NCOA2: variants seen among roughly 807,000 people sequenced by gnomAD.
The protein encoded by NCOA2 is class E basic helix-loop-helix protein 75.
NCOA2 carries 21 observed loss-of-function variants against 145.1 expected under a neutral mutation model. That is an observed-to-expected ratio of 0.14 (90% confidence interval 0.10 to 0.21). The LOEUF (loss-of-function observed/expected upper bound fraction) is 0.21. NCOA2 is among the 10% of genes least tolerant of loss of function. The pLI, the probability that NCOA2 is intolerant of heterozygous loss-of-function variation, is 1.00. For synonymous variants in NCOA2, 619 were observed against 637.5 expected, an observed-to-expected ratio of 0.97 and a Z score of 0.44; for missense variants, 1,472 against 1,837.6, an observed-to-expected ratio of 0.80 and a Z score of 3.64.
chr8:70,182,157 T>G (rs1815556111), intron 4 of NCOA2, among the ~76,000 whole-genome samples: 1 of 152,244 alleles, frequency 6.6e-6, no homozygotes, highest in African/African-American at 2.4e-5. Context: ...CTATATATCA[T>G]CAAGCTGCTG....
intron 2 of NCOA2, among the ~76,000 whole-genome samples, chr8:70,287,764 A>G (rs932735726): frequency 6.6e-6 from 1 of 152,238 alleles, no homozygotes. Flanking sequence ...CATGGACTTC[A>G]GTCTAGCTAG....
At chr8:70,451,233 A>T in the NCOA2 span, among the ~76,000 whole-genome samples, 460 of 85,480 alleles carry the variant, frequency 5.4e-3, 8 homozygotes, top group African/African-American at 0.017. Flanking sequence ...AAAAAAAAAA[A>T]AAAAATATAT....
chr8:70,284,576 C>T (rs13277206), intron 2 of NCOA2, among the ~76,000 whole-genome samples: 16,011 of 152,236 alleles, frequency 0.11, 1,287 homozygotes, highest in East Asian at 0.41. Context: ...TCTCCCATCC[C>T]CCTTTGTTAC....
intron 1 of NCOA2, among the ~76,000 whole-genome samples, chr8:70,357,760 G>A (rs572195230): frequency 6.7e-6 from 1 of 150,216 alleles, no homozygotes; most frequent in Non-Finnish European, 1.5e-5. Context: ...AAGCGCGGTG[G>A]GGGGAAGATG....
At chr8:70,209,356 T>C (rs1229575795) in intron 4 of NCOA2, among the ~76,000 whole-genome samples, 1 of 152,216 alleles carries the variant, frequency 6.6e-6, no homozygotes, top group Non-Finnish European at 1.5e-5. Flanking sequence ...GTGAACACTG[T>C]TGAAATGACA....
At chr8:70,172,294 G>T (rs1365741551) in intron 5 of NCOA2, among the ~76,000 whole-genome samples, 1 of 152,192 alleles carries the variant, frequency 6.6e-6, no homozygotes, top group Non-Finnish European at 1.5e-5. Flanking sequence ...AATGTCACAT[G>T]TATACACATA....
At chr8:70,124,928 TG>T (rs921392993) in intron 19 of NCOA2, 63 bp from the exon 20 acceptor site, 88 of 1,429,466 alleles carry the variant, frequency 6.2e-5, no homozygotes, top group African/African-American at 2.6e-4. Flanking sequence ...TAGAGACTGG[TG>T]GGGGGGAAAG....
chr8:70,118,288 G>A (rs531905565), intron 22 of NCOA2, among the ~76,000 whole-genome samples: 1 of 152,296 alleles, frequency 6.6e-6, no homozygotes, highest in South Asian at 2.1e-4. Context: ...CCCTCTGTGG[G>A]AGCCCAATTA....
chr8:70,393,993 A>C (rs911115965), intron 1 of NCOA2, among the ~76,000 whole-genome samples: 6 of 152,210 alleles, frequency 3.9e-5, no homozygotes, highest in African/African-American at 1.2e-4. Flanking sequence ...AGAATATTCC[A>C]TTCTATTAGG....
chr8:70,164,116 G>C (rs1302816517), intron 7 of NCOA2, among the ~76,000 whole-genome samples: 2 of 152,174 alleles, frequency 1.3e-5, no homozygotes, highest in East Asian at 3.9e-4. Context: ...CGCAGATTCA[G>C]AGAACGACTC....
the NCOA2 span, among the ~76,000 whole-genome samples, chr8:70,411,865 G>A: frequency 6.6e-6 from 1 of 152,160 alleles, no homozygotes; most frequent in Non-Finnish European, 1.5e-5. Flanking sequence ...AGAGATTTGG[G>A]GATTCTGAGA....
At chr8:70,435,716 TTA>T in the NCOA2 span, among the ~76,000 whole-genome samples, 3,220 of 147,736 alleles carry the variant, frequency 0.022, 99 homozygotes, top group African/African-American at 0.072. Flanking sequence ...ATACTTACAC[TTA>T]TATATATATA....
At chr8:70,173,911 T>C (rs1457891092) in intron 5 of NCOA2, among the ~76,000 whole-genome samples, 1 of 152,232 alleles carries the variant, frequency 6.6e-6, no homozygotes. Context: ...CTAATTATTG[T>C]CTGCTGCAGC....
intron 2 of NCOA2, among the ~76,000 whole-genome samples, chr8:70,295,859 C>G (rs1315424267): frequency 1.3e-5 from 2 of 152,086 alleles, no homozygotes; most frequent in African/African-American, 4.8e-5. Context: ...GCAGGAGAAT[C>G]GCTTGAACCC....
the NCOA2 span, among the ~76,000 whole-genome samples, chr8:70,450,574 T>C: frequency 5.8e-5 from 4 of 69,070 alleles, no homozygotes; most frequent in East Asian, 2.2e-3. Flanking sequence ...CTTTTTATTC[T>C]TTTTTTTTTT....
intron 4 of NCOA2, among the ~76,000 whole-genome samples, chr8:70,193,957 T>C (rs1816974500): frequency 6.6e-6 from 1 of 152,224 alleles, no homozygotes; most frequent in Non-Finnish European, 1.5e-5. Flanking sequence ...TTATTTATTT[T>C]ACTCTTCTTC....
intron 1 of NCOA2, among the ~76,000 whole-genome samples, chr8:70,368,695 T>C (rs1810932101): frequency 6.6e-6 from 1 of 152,228 alleles, no homozygotes. Context: ...AAATTCACTT[T>C]AATTTAGAAA....
the NCOA2 span, among the ~76,000 whole-genome samples, chr8:70,453,526 A>G: frequency 6.6e-6 from 1 of 152,248 alleles, no homozygotes; most frequent in South Asian, 2.1e-4. Context: ...CTAGACATTT[A>G]TAAGCCTAGT....
At chr8:70,143,256 G>GT (rs1243151787) in intron 13 of NCOA2, among the ~76,000 whole-genome samples, 4 of 152,016 alleles carry the variant, frequency 2.6e-5, no homozygotes, top group Non-Finnish European at 4.4e-5. Flanking sequence ...CCTAGTCTGT[G>GT]TTTTTTTAAA....
Sources: gnomAD v4.1 joint callset for allele counts (sites outside exome capture counted in the v4.1 genomes callset) on GRCh38, gnomAD v4.1.1 for gene constraint, MANE v1.5 for transcripts, NCBI Gene and HGNC (gene_info 2026-07-23, HGNC 2026-07-21) for gene names.